Variants in ATP2C2 observed in about 807,000 individuals in gnomAD.
The protein encoded by ATP2C2 is ATPase secretory pathway Ca2+ transporting 2.
In ATP2C2, 171 loss-of-function variants were observed where a neutral mutation model predicts 110.8. The observed-to-expected ratio is 1.54, with a 90% CI of 1.36 to 1.75. ATP2C2 has a LOEUF of 1.75. Ranked by LOEUF, ATP2C2 falls within the 40% of genes most tolerant of loss-of-function variation. The probability of loss-of-function intolerance (pLI) is 0.00; values close to 1 mark genes in which losing one functional copy is unlikely to be tolerated. For synonymous variants in ATP2C2, 804 were observed against 508.4 expected (o/e 1.58, Z -7.82); for missense variants, 1,963 against 1,235.0 (o/e 1.59, Z -8.84).
At chr16:84,460,631 T>C in intron 23 of ATP2C2, 23 bp from the exon 24 acceptor site, 2 of 1,614,122 alleles carry the variant, frequency 1.2e-6, no homozygotes, top group Non-Finnish European at 8.5e-7. Context: ...CATTTCAAAG[T>C]GTCTGTGTCT....
At chr16:84,396,549 CAAAAAAAA>C (rs57290176) in intron 1 of ATP2C2, among the ~76,000 whole-genome samples, 15 of 74,806 alleles carry the variant, frequency 2.0e-4, no homozygotes, top group Non-Finnish European at 2.9e-4. Flanking sequence ...GGCTCTATCT[CAAAAAAAA>C]AAAAAAAAAA....
At position 84,462,145 on chromosome 16, in the gene ATP2C2, G is replaced by A. The variant is rs374157416; in HGVS notation, c.2722+16G>A. 6.7e-5 allele frequency: 107 copies of A among 1,607,032 alleles called. No individual in the cohort carries two copies. Among genetic ancestry groups the A allele is most frequent in the East Asian group, 5.1e-4 (23 of 44,706 alleles). On this transcript the variant is annotated intron_variant, in intron 26 of 26. Coordinates refer to ENST00000262429, the MANE Select transcript of ATP2C2 (RefSeq NM_014861.4). ...GGAGCGCTTGGTGAGTGGTGGGGAC[G>A]GGAACGACAGGTGACCTCGACCAGG... is the stretch of plus-strand genomic sequence containing the variant.
intron 3 of ATP2C2, among the ~76,000 whole-genome samples, chr16:84,407,636 C>A (rs1042107544): frequency 6.6e-6 from 1 of 152,020 alleles, no homozygotes; most frequent in African/African-American, 2.4e-5. Context: ...ATGCCCAGCT[C>A]ATTTTTTCAT....
chr16:84,438,959 C>A, intron 11 of ATP2C2: 1 of 587,296 alleles, frequency 1.7e-6, no homozygotes, highest in Non-Finnish European at 2.8e-6. Context: ...GGTCCCTTCC[C>A]AAGAGCGGGG....
intron 3 of ATP2C2, among the ~76,000 whole-genome samples, chr16:84,407,803 G>C (rs1001655): frequency 6.6e-6 from 1 of 152,118 alleles, no homozygotes; most frequent in Non-Finnish European, 1.5e-5. Context: ...TCCTTATCCT[G>C]ATCTTTGGTC....
Position 84,447,396 on chromosome 16 carries a change from GAAAGC to G in ATP2C2, c.1503+967_1503+971del, listed in dbSNP as rs1317284681. Among the ~76,000 whole-genome samples the G allele has an allele frequency of 1.9e-3, 283 of 152,108 alleles. 1 individual carries two copies. Among genetic ancestry groups the G allele is most frequent in the African/African-American group, 6.3e-3 (260 of 41,490 alleles). On this transcript the variant is annotated intron_variant, in intron 16 of 26. Transcript: ENST00000262429. The stretch of plus-strand genomic sequence containing the variant: ...AAGTATAGAAATATGACATAAAAAT[GAAAGC>G]TTCTTTCATTCCACCCTTCTTCCCT...
intron 2 of ATP2C2, among the ~76,000 whole-genome samples, chr16:84,399,297 A>G (rs551949791): frequency 6.6e-6 from 1 of 152,346 alleles, no homozygotes; most frequent in South Asian, 2.1e-4. Flanking sequence ...TTTCAATTCA[A>G]GTCCTGTGTA....
intron 21 of ATP2C2, among the ~76,000 whole-genome samples, chr16:84,458,587 C>A (rs940574957): frequency 6.6e-6 from 1 of 152,076 alleles, no homozygotes; most frequent in Admixed American, 6.5e-5. Context: ...GGTGGGGGCA[C>A]CCACGGTGCG....
At chr16:84,448,817 A>C in intron 17 of ATP2C2, 128 bp downstream of exon 17, 1 of 1,286,198 alleles carries the variant, frequency 7.8e-7, no homozygotes, top group South Asian at 1.5e-5. Flanking sequence ...TGCTGACGGC[A>C]ATAATGTGTG....
chr16:84,462,254 C>T, intron 26 of ATP2C2, 125 bp downstream of exon 26: 1 of 1,321,726 alleles, frequency 7.6e-7, no homozygotes, highest in South Asian at 1.4e-5. Flanking sequence ...CAGGGGCCGG[C>T]TCTGTCTTCA....
chr16:84,454,071 C>T (rs925569864), intron 20 of ATP2C2, among the ~76,000 whole-genome samples: 1 of 152,162 alleles, frequency 6.6e-6, no homozygotes, highest in African/African-American at 2.4e-5. Flanking sequence ...AAACTCCTGA[C>T]CTCAGGTGAT....
chr16:84,385,230 G>T (rs1189847495), intron 1 of ATP2C2, among the ~76,000 whole-genome samples: 1 of 152,128 alleles, frequency 6.6e-6, no homozygotes, highest in Non-Finnish European at 1.5e-5. Flanking sequence ...TTACATGGTG[G>T]GAACAGGAGC....
intron 17 of ATP2C2, among the ~76,000 whole-genome samples, chr16:84,449,819 C>G (rs931974635): frequency 4.6e-5 from 7 of 152,232 alleles, no homozygotes; most frequent in Non-Finnish European, 8.8e-5. Flanking sequence ...CATCACGCCT[C>G]TGCTGACGAA....
Position 84,410,744 on chromosome 16 carries a change from T to C in ATP2C2, c.494T>C (p.Leu165Pro). 2 of 1,614,202 alleles carry C rather than the reference T, an allele frequency of 1.2e-6. No homozygotes were observed. Among genetic ancestry groups the C allele is most frequent in the Non-Finnish European group, 1.7e-6 (2 of 1,180,026 alleles). The change falls in exon 6 of 27, where the codon CTG becomes CCG. Residue 165 changes from leucine (L) to proline (P), a missense_variant. Coordinates refer to ENST00000262429, the MANE Select transcript of ATP2C2 (RefSeq NM_014861.4). The part of the protein sequence containing the change: ...SEKSLEELTK[L>P]VPPECNCLRE... ...AAATCTCTGGAAGAGCTGACCAAGC[T>C]GGTTCCTCCAGAATGTAACTGGTAA... is the stretch of plus-strand genomic sequence containing the variant.
chr16:84,405,413 G>T (rs1185757171), intron 3 of ATP2C2, among the ~76,000 whole-genome samples, 169 bp downstream of exon 3: 1 of 152,062 alleles, frequency 6.6e-6, no homozygotes, highest in African/African-American at 2.4e-5. Flanking sequence ...CAACTCCCAG[G>T]CAACCGCGAT....
intron 1 of ATP2C2, among the ~76,000 whole-genome samples, chr16:84,380,183 C>A (rs1910493328): frequency 6.6e-6 from 1 of 152,164 alleles, no homozygotes. Flanking sequence ...AATAGCCAGT[C>A]TCCTTCAGCA....
chr16:84,439,576 C>G (rs763769722), intron 13 of ATP2C2, 52 bp downstream of exon 13: 3 of 1,535,204 alleles, frequency 2.0e-6, no homozygotes, highest in Non-Finnish European at 2.7e-6. Context: ...GCCAGGCTGT[C>G]TCCTTTCTAA....
intron 17 of ATP2C2, among the ~76,000 whole-genome samples, chr16:84,451,612 C>A (rs993895039): frequency 1.3e-5 from 2 of 152,134 alleles, no homozygotes; most frequent in Non-Finnish European, 2.9e-5. Flanking sequence ...CTGAGGTGGG[C>A]AGATCACCTG....
chr16:84,453,327 G>T lies in ATP2C2; in HGVS notation c.1936G>T (p.Val646Leu). The change falls in exon 20 of 27, where the codon GTG becomes TTG. Residue 646 changes from valine to leucine, a missense_variant. Val to Leu is a conservative substitution (Grantham distance 32). Transcript: ENST00000262429. ...ELADRVGKVS[V>L]FFRTSPKHKL... ...TCCCCGTCTCCGTGTCCAGGTGTCCGTGTTCTTCAGGACCAGCCCAAAGCA... is the reference window on the plus strand; with the variant it reads ...TCCCCGTCTCCGTGTCCAGGTGTCCTTGTTCTTCAGGACCAGCCCAAAGCA... The T allele has an allele frequency of 6.2e-7, 1 of 1,614,160 alleles. No individual in the cohort carries two copies. The highest frequency in any genetic ancestry group is 1.3e-5 in the African/African-American group (1 of 75,030).
Sources: gnomAD v4.1 joint callset for allele counts (sites outside exome capture counted in the v4.1 genomes callset) on GRCh38, gnomAD v4.1.1 for gene constraint, MANE v1.5 for transcripts, NCBI Gene and HGNC (gene_info 2026-07-23, HGNC 2026-07-21) for gene names.